Variants in PPEF2 observed in about 807,000 individuals in gnomAD.
PPEF2 encodes the protein serine/threonine-protein phosphatase with EF-hands 2.
In PPEF2, 84 loss-of-function variants were observed where a neutral mutation model predicts 84.7. The ratio of observed to expected loss-of-function variants is 0.99; its 90% CI spans 0.83 to 1.19. The LOEUF is 1.19. PPEF2 is among the 50% of genes most tolerant of loss of function. The pLI is 0.00. For missense variants in PPEF2, 924 were observed against 937.5 expected, an observed-to-expected ratio of 0.99 and a Z score of 0.19; for synonymous variants, 346 against 345.2, an observed-to-expected ratio of 1.00 and a Z score of -0.03.
chr4:75,869,108 TTATCAGAGGC>T (rs1724204799), intron 13 of PPEF2, among the ~76,000 whole-genome samples: 1 of 152,162 alleles, frequency 6.6e-6, no homozygotes, highest in Admixed American at 6.5e-5. Flanking sequence ...GTTTGTTGTT[TTATCAGAGGC>T]TAACAGAAGT....
chr4:75,892,371 T>C (rs1724910335), intron 2 of PPEF2, among the ~76,000 whole-genome samples: 1 of 152,112 alleles, frequency 6.6e-6, no homozygotes, highest in Non-Finnish European at 1.5e-5. Flanking sequence ...GGTGGACATT[T>C]TGATATTGTG....
chr4:75,901,047 C>A (rs945941229), intron 1 of PPEF2, among the ~76,000 whole-genome samples: 2 of 152,150 alleles, frequency 1.3e-5, no homozygotes, highest in African/African-American at 4.8e-5. Context: ...CCATTTTTAA[C>A]TTATATACTT....
chr4:75,868,627 T>C (rs1204298974), intron 13 of PPEF2, among the ~76,000 whole-genome samples: 2 of 151,562 alleles, frequency 1.3e-5, no homozygotes, highest in Admixed American at 1.3e-4. Context: ...GCCTGGGAGG[T>C]CGAGGCTGCA....
chr4:75,894,922 A>G (rs1724973618), intron 2 of PPEF2, among the ~76,000 whole-genome samples: 1 of 152,146 alleles, frequency 6.6e-6, no homozygotes, highest in South Asian at 2.1e-4. Flanking sequence ...CAAGTGACAA[A>G]CTGGGAAAAA....
At chr4:75,891,081 A>G (rs11727067) in intron 4 of PPEF2, among the ~76,000 whole-genome samples, 32,135 of 151,724 alleles carry the variant, frequency 0.21, 3,792 homozygotes, top group Non-Finnish European at 0.27. Context: ...CTACTTGGGT[A>G]TCTGAGGTTC....
intron 10 of PPEF2, among the ~76,000 whole-genome samples, chr4:75,882,209 CT>C (rs1361113692): frequency 2.0e-5 from 3 of 152,206 alleles, no homozygotes; most frequent in Non-Finnish European, 4.4e-5. Flanking sequence ...CTCTGTAACA[CT>C]TTCTTTGCAC....
intron 8 of PPEF2, 120 bp from the exon 9 acceptor site, chr4:75,883,322 C>A: frequency 1.1e-6 from 1 of 890,728 alleles, no homozygotes; most frequent in Non-Finnish European, 1.8e-6. Flanking sequence ...AGAAAAGAGA[C>A]TGAGGAATAA....
At chr4:75,876,121 A>G (rs1286976643) in intron 11 of PPEF2, among the ~76,000 whole-genome samples, 166 bp downstream of exon 11, 1 of 151,914 alleles carries the variant, frequency 6.6e-6, no homozygotes, top group Non-Finnish European at 1.5e-5. Context: ...CTTTTATAAA[A>G]CTCTAAAACA....
intron 13 of PPEF2, among the ~76,000 whole-genome samples, chr4:75,867,704 G>A (rs2135235): frequency 0.99 from 150,984 of 152,288 alleles, 74,860 homozygotes; most frequent in Middle Eastern, 1. Flanking sequence ...TTTCCCACCT[G>A]TAAAACAGTG....
intron 5 of PPEF2, chr4:75,889,329 C>T (rs1724818550): frequency 6.6e-6 from 1 of 152,570 alleles, no homozygotes; most frequent in Admixed American, 6.5e-5. Flanking sequence ...CCCCTGGCTC[C>T]CTCTTCTCCA....
intron 16 of PPEF2, among the ~76,000 whole-genome samples, chr4:75,863,843 T>C (rs1475256297): frequency 6.6e-6 from 1 of 151,788 alleles, no homozygotes; most frequent in Non-Finnish European, 1.5e-5. Flanking sequence ...TCGATGGTAA[T>C]ATAAAGGATA....
intron 2 of PPEF2, among the ~76,000 whole-genome samples, chr4:75,893,634 G>A (rs777733648): frequency 2.0e-5 from 3 of 152,186 alleles, no homozygotes; most frequent in South Asian, 4.1e-4. Flanking sequence ...AATCTCTACC[G>A]CTGGAATCCA....
At chr4:75,873,433 A>G (rs1374107520) in intron 11 of PPEF2, 121 bp from the exon 12 acceptor site, 1 of 925,036 alleles carries the variant, frequency 1.1e-6, no homozygotes, top group South Asian at 1.8e-5. Flanking sequence ...ATAAATGTCC[A>G]TGCAAGCAAT....
intron 1 of PPEF2, among the ~76,000 whole-genome samples, chr4:75,899,065 G>C (rs1725067317): frequency 6.6e-6 from 1 of 152,062 alleles, no homozygotes; most frequent in South Asian, 2.1e-4. Flanking sequence ...CAACTTCCAT[G>C]ATCTCAACTT....
intron 2 of PPEF2, among the ~76,000 whole-genome samples, chr4:75,892,873 G>T (rs754750420): frequency 6.6e-6 from 1 of 152,228 alleles, no homozygotes; most frequent in African/African-American, 2.4e-5. Flanking sequence ...TGCTGGTGAT[G>T]AATGGACTAT....
chr4:75,867,429 G>A lies in PPEF2; in HGVS notation c.1650-10C>T. ...CTCCACTCTGCTAATCCTGGGACAG[G>A]AGATGAAAAGCGACATTTTAACACA... On this transcript the variant is annotated splice_polypyrimidine_tract_variant and intron_variant, in intron 13 of 16. Coordinates refer to ENST00000286719, the MANE Select transcript of PPEF2 (RefSeq NM_006239.3). 3 of 1,591,408 alleles carry A rather than the reference G, an allele frequency of 1.9e-6. No homozygotes were observed. The highest frequency in any genetic ancestry group is 2.6e-6 in the Non-Finnish European group (3 of 1,162,190).
chr4:75,863,288 G>A (rs1008226733), intron 16 of PPEF2, among the ~76,000 whole-genome samples: 3 of 150,954 alleles, frequency 2.0e-5, no homozygotes, highest in Admixed American at 6.6e-5. Flanking sequence ...TCAGGAGATC[G>A]AGACCATCCT....
chr4:75,866,206 C>T lies in PPEF2; in HGVS notation c.1903G>A (p.Glu635Lys). 1 of 1,613,080 alleles carries T rather than the reference C, an allele frequency of 6.2e-7. No homozygotes were observed. Residue 635 changes from glutamate to lysine, a missense_variant, in exon 15 of 17, where the codon GAA becomes AAA. Physicochemically the swap from Glu to Lys is moderately conservative, Grantham distance 56 (BLOSUM62 1). Coordinates refer to ENST00000286719, the MANE Select transcript of PPEF2 (RefSeq NM_006239.3). ...YKSWLKNLAK[E>K]QLSRENIQSS... Reference sequence around the variant, plus strand: ...ACCGTTACCTCGCGACTCAGTTGTTCCTTGGCCAAGTTCTTCAGCCAAGAC... The same window carrying T: ...ACCGTTACCTCGCGACTCAGTTGTTTCTTGGCCAAGTTCTTCAGCCAAGAC...
At chr4:75,888,032 G>A (rs1277680060) in intron 6 of PPEF2, among the ~76,000 whole-genome samples, 182 bp downstream of exon 6, 2 of 152,114 alleles carry the variant, frequency 1.3e-5, no homozygotes, top group African/African-American at 2.4e-5. Context: ...GATCCCCTTC[G>A]CTGCACCACC....
Sources: allele counts gnomAD v4.1 joint callset (sites outside exome capture counted in the v4.1 genomes callset), GRCh38; gene constraint gnomAD v4.1.1; transcripts MANE v1.5; gene names NCBI Gene and HGNC (gene_info 2026-07-23, HGNC 2026-07-21).